Variants in RALYL observed in about 807,000 individuals in gnomAD.
The protein encoded by RALYL is RNA-binding Raly-like protein.
In RALYL, 29 loss-of-function variants were observed where a neutral mutation model predicts 35.1. The ratio of observed to expected loss-of-function variants is 0.83; its 90% CI spans 0.61 to 1.13. The LOEUF (loss-of-function observed/expected upper bound fraction) is 1.13. RALYL is among the 50% of genes most tolerant of loss of function. The pLI is 0.00. For missense variants in RALYL, 359 were observed against 360.4 expected (o/e 1.00, Z 0.03); for synonymous variants, 120 against 127.6 (o/e 0.94, Z 0.40).
At chr8:84,503,983 ATC>A (rs2056945479) in intron 1 of RALYL, among the ~76,000 whole-genome samples, 1 of 152,134 alleles carries the variant, frequency 6.6e-6, no homozygotes, top group Non-Finnish European at 1.5e-5. Context: ...CAGACATGAA[ATC>A]CAGGTGATTT....
intron 1 of RALYL, among the ~76,000 whole-genome samples, chr8:84,494,200 G>T (rs757917929): frequency 1.6e-4 from 24 of 152,108 alleles, no homozygotes; most frequent in Non-Finnish European, 3.2e-4. Context: ...GTTTGTTGAA[G>T]ATCAGATGGT....
intron 8 of RALYL, among the ~76,000 whole-genome samples, chr8:84,913,028 A>G (rs887513242): frequency 0.1 from 8,032 of 76,950 alleles, 250 homozygotes; most frequent in East Asian, 0.14. Context: ...GGATGGATGG[A>G]TGGATAGGTA....
rs962984798 is a variant in RALYL, at chr8:84,252,480, C to T, written c.-24+68056C>T. Among the ~76,000 whole-genome samples, 3 of 152,094 alleles carry T rather than the reference C, an allele frequency of 2.0e-5. No individual in the cohort carries two copies. In the South Asian group the frequency reaches 6.2e-4, roughly 31 times the overall value. ...TTGTGAAATATGCCTAATGTAAGAT[C>T]ATAGGTAAAGTCTATAGCATGATGC... On this transcript the variant is annotated intron_variant, in intron 1 of 8. Transcript: ENST00000521268.
intron 3 of RALYL, among the ~76,000 whole-genome samples, chr8:84,800,282 G>A (rs535210595): frequency 3.3e-5 from 5 of 152,278 alleles, no homozygotes; most frequent in South Asian, 2.1e-4. Flanking sequence ...AACCACTTAT[G>A]AGCTTTGTGA....
In RALYL at chr8:84,879,010, G is replaced by T. The variant is rs561262378; in HGVS notation, c.685+5613G>T. The stretch of plus-strand genomic sequence containing the variant: ...CTTTCTCTGAAAAGTACTAAAAAGA[G>T]TACTTCACCAAAAACACAGCGATAA... On this transcript the variant is annotated intron_variant, in intron 7 of 8. Coordinates refer to ENST00000521268, the MANE Select transcript of RALYL (RefSeq NM_173848.7). Among the ~76,000 whole-genome samples, 12 of 113,540 alleles carry T rather than the reference G, an allele frequency of 1.1e-4. No individual in the cohort carries two copies. In the South Asian group the frequency reaches 2.8e-3, roughly 26 times the overall value. 74.5% of individuals were successfully genotyped at this position (113,540 alleles called of 152,430 possible).
intron 8 of RALYL, among the ~76,000 whole-genome samples, chr8:84,911,591 A>G (rs1847522142): frequency 6.6e-6 from 1 of 152,088 alleles, no homozygotes; most frequent in Non-Finnish European, 1.5e-5. Context: ...TGGGTGTCCT[A>G]TAGTTGATTC....
intron 2 of RALYL, among the ~76,000 whole-genome samples, chr8:84,757,452 T>A (rs1357794798): frequency 6.6e-6 from 1 of 152,200 alleles, no homozygotes; most frequent in Non-Finnish European, 1.5e-5. Flanking sequence ...GCAGTTTGTA[T>A]ATCTCTTATA....
Position 84,920,961 on chromosome 8 carries a change from C to T in RALYL, c.*50C>T. 1 of 1,232,986 alleles carries T rather than the reference C, an allele frequency of 8.1e-7. No individual in the cohort carries two copies. The highest frequency in any genetic ancestry group is 1.1e-6 in the Non-Finnish European group (1 of 898,666). 76.4% of individuals were successfully genotyped at this position (1,232,986 alleles called of 1,614,324 possible). ...AAGCAGAAAAGAGAAACTGTGACAA[C>T]CCCCAGAAATGTGAAAGGAGGTTTC... On this transcript the variant is annotated 3_prime_UTR_variant, in exon 9 of 9. Transcript: ENST00000521268.
At chr8:84,230,306 A>G (rs1358634504) in intron 1 of RALYL, among the ~76,000 whole-genome samples, 1 of 152,116 alleles carries the variant, frequency 6.6e-6, no homozygotes, top group African/African-American at 2.4e-5. Flanking sequence ...CAATGTATAC[A>G]TGGAGAGTTG....
At chr8:84,730,096 G>A (rs1394746456) in intron 2 of RALYL, among the ~76,000 whole-genome samples, 1 of 152,084 alleles carries the variant, frequency 6.6e-6, no homozygotes, top group Non-Finnish European at 1.5e-5. Context: ...GAGAATTTTA[G>A]ACCAATATCC....
intron 2 of RALYL, among the ~76,000 whole-genome samples, chr8:84,585,429 G>A (rs72679376): frequency 6.6e-6 from 1 of 152,182 alleles, no homozygotes; most frequent in Non-Finnish European, 1.5e-5. Context: ...AATGACAATA[G>A]TATACATGAA....
At chr8:84,466,100 T>A (rs982664349) in intron 1 of RALYL, among the ~76,000 whole-genome samples, 1 of 99,416 alleles carries the variant, frequency 1.0e-5, no homozygotes, top group African/African-American at 4.0e-5. Context: ...AGGGACAATT[T>A]GACTTCCTCT....
chr8:84,571,756 A>G (rs982041513), intron 2 of RALYL, among the ~76,000 whole-genome samples: 2 of 151,714 alleles, frequency 1.3e-5, no homozygotes, highest in African/African-American at 4.8e-5. Flanking sequence ...AGTGAAACCA[A>G]CTTTTCTCTT....
chr8:84,483,303 T>A (rs1365086763), intron 1 of RALYL, among the ~76,000 whole-genome samples: 1 of 152,110 alleles, frequency 6.6e-6, no homozygotes, highest in African/African-American at 2.4e-5. Context: ...AGATTAGATA[T>A]AAACTTTGAA....
chr8:84,227,237 T>A (rs997630661), intron 1 of RALYL, among the ~76,000 whole-genome samples: 3 of 151,980 alleles, frequency 2.0e-5, no homozygotes, highest in African/African-American at 7.2e-5. Context: ...TTTTTGTATT[T>A]TTAGTAGAGA....
intron 1 of RALYL, among the ~76,000 whole-genome samples, chr8:84,377,939 A>G (rs1857250225): frequency 6.6e-6 from 1 of 151,910 alleles, no homozygotes; most frequent in Non-Finnish European, 1.5e-5. Context: ...TGTGAGAATG[A>G]TATGTGAAAT....
chr8:84,209,525 C>T (rs1818938535), intron 1 of RALYL, among the ~76,000 whole-genome samples: 1 of 152,150 alleles, frequency 6.6e-6, no homozygotes, highest in South Asian at 2.1e-4. Context: ...TGAGCCACTA[C>T]AGGGCAATAT....
intron 2 of RALYL, among the ~76,000 whole-genome samples, chr8:84,708,813 T>C (rs1464996350): frequency 6.6e-6 from 1 of 152,102 alleles, no homozygotes; most frequent in Non-Finnish European, 1.5e-5. Context: ...AAAAGACACA[T>C]GAAGGTACAT....
intron 2 of RALYL, among the ~76,000 whole-genome samples, chr8:84,640,038 T>C (rs531710343): frequency 1.4e-4 from 21 of 152,126 alleles, no homozygotes; most frequent in African/African-American, 5.1e-4. Flanking sequence ...AATAAATTTG[T>C]ATAGCTTTGA....
Sources: gnomAD v4.1 joint callset for allele counts (sites outside exome capture counted in the v4.1 genomes callset) on GRCh38, gnomAD v4.1.1 for gene constraint, MANE v1.5 for transcripts, NCBI Gene and HGNC (gene_info 2026-07-23, HGNC 2026-07-21) for gene names.